GPC5: variants seen among roughly 807,000 people sequenced by gnomAD.
GPC5 encodes glypican-5.
Under a neutral mutation model 53.9 loss-of-function variants are expected in GPC5, and 47 were observed. That is an observed-to-expected ratio of 0.87 (90% CI 0.69 to 1.11). The LOEUF (loss-of-function observed/expected upper bound fraction) is 1.11. GPC5 is among the 50% of genes most tolerant of loss of function. The pLI, the probability that GPC5 is intolerant of heterozygous loss-of-function variation, is 0.00. For synonymous variants in GPC5, 286 were observed against 263.3 expected (o/e 1.09, Z -0.84); for missense variants, 748 against 713.1 (o/e 1.05, Z -0.56).
At chr13:92,743,846 G>C (rs530247719) in intron 7 of GPC5, among the ~76,000 whole-genome samples, 1 of 152,244 alleles carries the variant, frequency 6.6e-6, no homozygotes, top group Non-Finnish European at 1.5e-5. Flanking sequence ...AGATAATCAT[G>C]TGGTTTTTGT....
At chr13:91,452,255 A>G (rs1445516995) in intron 2 of GPC5, among the ~76,000 whole-genome samples, 4 of 152,098 alleles carry the variant, frequency 2.6e-5, no homozygotes, top group Non-Finnish European at 5.9e-5. Context: ...AAGTGCTGGG[A>G]TTATAGGCAT....
chr13:91,784,192 T>C (rs1220016959), intron 5 of GPC5, among the ~76,000 whole-genome samples: 1 of 152,198 alleles, frequency 6.6e-6, no homozygotes, highest in African/African-American at 2.4e-5. Flanking sequence ...ACAATCCTGA[T>C]AGTTAAAAAG....
At chr13:92,007,657 C>CT (rs1300928956) in intron 6 of GPC5, among the ~76,000 whole-genome samples, 1 of 152,024 alleles carries the variant, frequency 6.6e-6, no homozygotes, top group African/African-American at 2.4e-5. Flanking sequence ...TCAATCTCTG[C>CT]TTTTTTAGAA....
intron 7 of GPC5, among the ~76,000 whole-genome samples, chr13:92,485,122 GAAGT>G (rs1214036128): frequency 1.3e-5 from 2 of 152,152 alleles, no homozygotes; most frequent in African/African-American, 4.8e-5. Flanking sequence ...GGATGAAATG[GAAGT>G]GAGTTCTGGA....
chr13:92,794,912 A>G (rs1337883472), intron 7 of GPC5, among the ~76,000 whole-genome samples: 1 of 152,176 alleles, frequency 6.6e-6, no homozygotes, highest in African/African-American at 2.4e-5. Flanking sequence ...AGAACATTAC[A>G]TGCTCACGTA....
intron 7 of GPC5, among the ~76,000 whole-genome samples, chr13:92,445,247 T>TTCTC (rs150266642): frequency 6.9e-6 from 1 of 144,268 alleles, no homozygotes; most frequent in East Asian, 2.1e-4. Flanking sequence ...TTCCTTTCCT[T>TTCTC]TCTCTCTCTC....
intron 7 of GPC5, among the ~76,000 whole-genome samples, chr13:92,616,096 A>G (rs764069352): frequency 8.5e-5 from 13 of 152,144 alleles, no homozygotes; most frequent in Non-Finnish European, 1.5e-4. Context: ...TCCCCTACCA[A>G]CAACACCTAC....
chr13:92,824,110 A>C (rs2138813073), intron 7 of GPC5, among the ~76,000 whole-genome samples: 1 of 152,172 alleles, frequency 6.6e-6, no homozygotes, highest in South Asian at 2.1e-4. Flanking sequence ...AAAGTTCTTA[A>C]ATCCTACATT....
At chr13:92,656,046 A>G (rs1247150231) in intron 7 of GPC5, among the ~76,000 whole-genome samples, 1 of 152,200 alleles carries the variant, frequency 6.6e-6, no homozygotes. Flanking sequence ...ATACAATGAA[A>G]AGGGAAACAT....
intron 7 of GPC5, among the ~76,000 whole-genome samples, chr13:92,607,545 TAATAAGGCAG>T (rs2139090081): frequency 6.6e-6 from 1 of 152,230 alleles, no homozygotes; most frequent in East Asian, 1.9e-4. Context: ...AAGAGACTGA[TAATAAGGCAG>T]AAAATTTTCT....
At position 92,275,226 on chromosome 13, in the gene GPC5, A is replaced by G. The variant is rs116943104; in HGVS notation, c.1561+130237A>G. On this transcript the variant is annotated intron_variant, in intron 7 of 7. Transcript: ENST00000377067. The stretch of plus-strand genomic sequence containing the variant: ...GATTCATTAAAACCCTACTTTACAT[A>G]ATTTTCTTTAAAATACACACAGGCT... Among the ~76,000 whole-genome samples, 133 of 152,260 alleles carry G rather than the reference A, an allele frequency of 8.7e-4. No individual in the cohort carries two copies. In the East Asian group the frequency reaches 0.011, roughly 13 times the overall value.
At chr13:91,596,188 A>G (rs892190442) in intron 2 of GPC5, among the ~76,000 whole-genome samples, 7 of 152,182 alleles carry the variant, frequency 4.6e-5, no homozygotes, top group African/African-American at 7.2e-5. Context: ...TAATAAAGCA[A>G]TGTATCTTTT....
In GPC5 at chr13:92,801,254, A is replaced by G. The variant is rs558351857; in HGVS notation, c.1562-65028A>G. Among the ~76,000 whole-genome samples, 4 of 151,820 alleles carry G rather than the reference A, an allele frequency of 2.6e-5. No individual in the cohort carries two copies. In the South Asian group the frequency reaches 8.3e-4, roughly 31 times the overall value. Reference sequence around the variant, plus strand: ...TATATACATATCTATATTTATACAGACATTTTGGTCGACCACAGACTGCAT... The same window carrying G: ...TATATACATATCTATATTTATACAGGCATTTTGGTCGACCACAGACTGCAT... On this transcript the variant is annotated intron_variant, in intron 7 of 7. Coordinates refer to ENST00000377067, the MANE Select transcript of GPC5 (RefSeq NM_004466.6).
chr13:92,753,622 A>G (rs375783656), intron 7 of GPC5, among the ~76,000 whole-genome samples: 5,783 of 152,138 alleles, frequency 0.038, 150 homozygotes, highest in South Asian at 0.098. Context: ...AACCAATACA[A>G]AGAAGTGCTT....
At chr13:91,888,840 A>T (rs2039354593) in intron 5 of GPC5, among the ~76,000 whole-genome samples, 1 of 152,196 alleles carries the variant, frequency 6.6e-6, no homozygotes, top group African/African-American at 2.4e-5. Flanking sequence ...TGAGAACAAT[A>T]TTCCTCAAAC....
chr13:92,613,877 A>C (rs1884589990), intron 7 of GPC5, among the ~76,000 whole-genome samples: 1 of 151,506 alleles, frequency 6.6e-6, no homozygotes, highest in Non-Finnish European at 1.5e-5. Flanking sequence ...CTTTTAAAAT[A>C]AAAATGAAAA....
intron 7 of GPC5, among the ~76,000 whole-genome samples, chr13:92,252,161 C>T (rs1342056243): frequency 1.3e-5 from 2 of 151,998 alleles, no homozygotes; most frequent in Non-Finnish European, 2.9e-5. Context: ...CATGACTGGC[C>T]TCTGTGACAG....
chr13:91,983,052 A>G (rs1304277203), intron 6 of GPC5, among the ~76,000 whole-genome samples: 1 of 152,134 alleles, frequency 6.6e-6, no homozygotes, highest in African/African-American at 2.4e-5. Context: ...GCAACATAAA[A>G]AGGACCCAAG....
intron 7 of GPC5, among the ~76,000 whole-genome samples, chr13:92,434,830 G>C (rs895922887): frequency 6.6e-6 from 1 of 152,130 alleles, no homozygotes; most frequent in Admixed American, 6.6e-5. Flanking sequence ...GGAACCTATC[G>C]TATTATCTTT....
Sources: gnomAD v4.1 joint callset for allele counts (sites outside exome capture counted in the v4.1 genomes callset) on GRCh38, gnomAD v4.1.1 for gene constraint, MANE v1.5 for transcripts, NCBI Gene and HGNC (gene_info 2026-07-23, HGNC 2026-07-21) for gene names.